The following MTREX variants were observed in gnomAD, a reference collection of about 807,000 sequenced individuals.
MTREX encodes the protein exosome RNA helicase MTR4.
MTREX carries 76 observed loss-of-function variants against 135.4 expected under a neutral mutation model. That is an observed-to-expected ratio of 0.56 (90% CI 0.47 to 0.68). The LOEUF (loss-of-function observed/expected upper bound fraction) is 0.68. Ranked by LOEUF, MTREX falls within the 30% of genes least tolerant of loss-of-function variation. MTREX has a pLI of 0.00. For missense variants in MTREX, 920 were observed against 1,262.1 expected (o/e 0.73, Z 4.11); for synonymous variants, 404 against 401.6 (o/e 1.01, Z -0.07).
rs1749653806 is a variant in MTREX at position 55,341,827 on chromosome 5, A to G, written c.781+56A>G. The G allele has an allele frequency of 3.4e-6, 3 of 889,690 alleles. No individual in the cohort carries two copies. The Admixed American group carries it at 7.1e-5, about 21-fold the overall frequency. The allele number at this position is 889,690 out of a possible 1,614,324, so 55.1% of individuals were successfully genotyped here. A position where few individuals can be genotyped will look rare whatever the true frequency, so the allele number is the denominator to read the frequency against. The stretch of plus-strand genomic sequence containing the variant: ...ATTTCCCTTCAGAATGACATTAGGA[A>G]TTTTGAGCAAGTTATTGTTAAACTT... On this transcript the variant is annotated intron_variant, in intron 7 of 26. Coordinates refer to ENST00000230640, the MANE Select transcript of MTREX (RefSeq NM_015360.5).
chr5:55,316,616 G>T (rs1749202431), intron 1 of MTREX, among the ~76,000 whole-genome samples: 1 of 152,064 alleles, frequency 6.6e-6, no homozygotes, highest in South Asian at 2.1e-4. Context: ...AGTAACCTAG[G>T]TATTGAAGGA....
chr5:55,367,385 C>T (rs1750121974), intron 16 of MTREX, among the ~76,000 whole-genome samples: 1 of 151,522 alleles, frequency 6.6e-6, no homozygotes, highest in African/African-American at 2.4e-5. Flanking sequence ...ACTTGGGAGG[C>T]TGAGGCAGGA....
chr5:55,395,296 C>A (rs2111580371), intron 19 of MTREX, among the ~76,000 whole-genome samples: 1 of 152,138 alleles, frequency 6.6e-6, no homozygotes, highest in East Asian at 1.9e-4. Context: ...ATCCCAGCTA[C>A]TCAGGAGGCT....
chr5:55,423,177 GTAT>G, intron 26 of MTREX, 195 bp downstream of exon 26: 1 of 564,326 alleles, frequency 1.8e-6, no homozygotes, highest in East Asian at 2.9e-5. Flanking sequence ...ATGCATTTAC[GTAT>G]ATTAATTGTA....
intron 18 of MTREX, among the ~76,000 whole-genome samples, chr5:55,380,476 A>G (rs758975360): frequency 3.0e-4 from 45 of 152,160 alleles, no homozygotes; most frequent in Admixed American, 2.0e-4. Context: ...TGTTTTTCTC[A>G]TGAAAGATAA....
intron 16 of MTREX, among the ~76,000 whole-genome samples, chr5:55,369,986 C>G (rs115504535): frequency 6.6e-6 from 1 of 151,482 alleles, no homozygotes; most frequent in Admixed American, 6.6e-5. Context: ...AACAATGGCA[C>G]GATCTCGGCT....
At chr5:55,382,052 T>A (rs756531701) in intron 18 of MTREX, among the ~76,000 whole-genome samples, 2 of 152,224 alleles carry the variant, frequency 1.3e-5, no homozygotes, top group Non-Finnish European at 2.9e-5. Context: ...ATTTAAAGTG[T>A]GTCTCCTGTA....
chr5:55,338,402 G>A (rs1229874693), intron 5 of MTREX, among the ~76,000 whole-genome samples: 1 of 151,998 alleles, frequency 6.6e-6, no homozygotes, highest in Non-Finnish European at 1.5e-5. Flanking sequence ...TATGTATTGA[G>A]TTTTTCTGTT....
chr5:55,339,127 T>A (rs558118296), intron 5 of MTREX, among the ~76,000 whole-genome samples: 16 of 152,272 alleles, frequency 1.1e-4, no homozygotes, highest in African/African-American at 2.4e-5. Context: ...ATGTTGTTAA[T>A]AGTTTTGGTT....
chr5:55,322,271 G>T, intron 1 of MTREX, 56 bp from the exon 2 acceptor site: 1 of 1,459,916 alleles, frequency 6.8e-7, no homozygotes, highest in Non-Finnish European at 9.2e-7. Flanking sequence ...TTATGATGTT[G>T]CCCTTAAAGT....
At chr5:55,320,820 A>T (rs1749276719) in intron 1 of MTREX, among the ~76,000 whole-genome samples, 1 of 152,180 alleles carries the variant, frequency 6.6e-6, no homozygotes, top group Admixed American at 6.5e-5. Flanking sequence ...TTGTTACGGG[A>T]TCAGAGGGGC....
rs114254516 is a variant in MTREX, at chr5:55,349,183, C to A, written c.1241-390C>A. Reference sequence around the variant, plus strand: ...CCTCTTTACTTTTGCTCTTTAAAGACTCTTTTTTTTTTTTTTTTTCTGAGA... The same window carrying A: ...CCTCTTTACTTTTGCTCTTTAAAGAATCTTTTTTTTTTTTTTTTTCTGAGA... On this transcript the variant is annotated intron_variant, in intron 11 of 26. Coordinates refer to ENST00000230640, the MANE Select transcript of MTREX (RefSeq NM_015360.5). 4.7e-3 allele frequency among the ~76,000 whole-genome samples: 658 copies of A among 139,896 alleles called. 5 individuals carry two copies. The highest frequency in any genetic ancestry group is 0.017 in the African/African-American group (613 of 36,012). 91.8% of individuals were successfully genotyped at this position (139,896 alleles called of 152,430 possible).
intron 24 of MTREX, 119 bp downstream of exon 24, chr5:55,414,357 A>T (rs1750934357): frequency 1.3e-6 from 1 of 777,680 alleles, no homozygotes; most frequent in Non-Finnish European, 1.9e-6. Flanking sequence ...ACCTATAAGG[A>T]TTAAATGTTA....
intron 10 of MTREX, 130 bp from the exon 11 acceptor site, chr5:55,346,883 T>G: frequency 1.5e-6 from 1 of 679,818 alleles, no homozygotes; most frequent in Non-Finnish European, 2.3e-6. Flanking sequence ...CTAAGAATGC[T>G]TTGTCTAACC....
intron 15 of MTREX, among the ~76,000 whole-genome samples, chr5:55,359,795 G>A (rs1187010141): frequency 6.6e-6 from 1 of 152,148 alleles, no homozygotes; most frequent in Non-Finnish European, 1.5e-5. Flanking sequence ...CCAGATTATA[G>A]GAGGTAATAT....
At chr5:55,370,276 C>G (rs1750174973) in intron 16 of MTREX, among the ~76,000 whole-genome samples, 1 of 152,164 alleles carries the variant, frequency 6.6e-6, no homozygotes, top group African/African-American at 2.4e-5. Flanking sequence ...CTCTAGAGCA[C>G]TTCCTGAACT....
In MTREX at chr5:55,379,534, ATGG is replaced by A. The variant is rs145051097; in HGVS notation, c.2052+348_2052+350del. ...ACCTCAACCATGAGAAAACTATTAA[ATGG>A]TGGTGGTGCTTTCCTTCCACTCCCC... is the stretch of plus-strand genomic sequence containing the variant. On this transcript the variant is annotated intron_variant, in intron 18 of 26. Transcript: ENST00000230640. Among the ~76,000 whole-genome samples the A allele has an allele frequency of 4.6e-3, 700 of 151,048 alleles. 5 individuals are homozygous for A. Among genetic ancestry groups the A allele is most frequent in the African/African-American group, 0.016 (642 of 41,160 alleles).
At chr5:55,374,390 G>A (rs552628932) in intron 16 of MTREX, among the ~76,000 whole-genome samples, 7 of 151,436 alleles carry the variant, frequency 4.6e-5, no homozygotes, top group Admixed American at 3.9e-4. Context: ...TGGGCTCAAG[G>A]AATCCTCCAA....
In MTREX at chr5:55,315,947, C is replaced by T. The variant is rs111415087; in HGVS notation, c.135-6380C>T. 6.4e-3 allele frequency among the ~76,000 whole-genome samples: 965 copies of T among 150,788 alleles called. 8 individuals carry two copies. The highest frequency in any genetic ancestry group is 0.022 in the African/African-American group (901 of 41,082). On this transcript the variant is annotated intron_variant, in intron 1 of 26. Transcript: ENST00000230640. ...AAATAAACACAGTTAGAAGTTACAA[C>T]GGAAATGTTACTACTGACTCCACAG... is the stretch of plus-strand genomic sequence containing the variant.
Sources: gnomAD v4.1 joint callset for allele counts (sites outside exome capture counted in the v4.1 genomes callset) on GRCh38, gnomAD v4.1.1 for gene constraint, MANE v1.5 for transcripts, NCBI Gene and HGNC (gene_info 2026-07-23, HGNC 2026-07-21) for gene names.